The following CYB5R2 variants were observed in gnomAD, a reference collection of about 807,000 sequenced individuals.
The protein encoded by CYB5R2 is NADH-cytochrome b5 reductase 2.
In CYB5R2, 35 loss-of-function variants were observed where a neutral mutation model predicts 29.8. The ratio of observed to expected loss-of-function variants is 1.17; its 90% CI spans 0.90 to 1.56. CYB5R2 has a LOEUF of 1.56. CYB5R2 is among the 40% of genes most tolerant of loss of function. The pLI, the probability that CYB5R2 is intolerant of heterozygous loss-of-function variation, is 0.00. For missense variants in CYB5R2, 419 were observed against 346.7 expected, an observed-to-expected ratio of 1.21 and a Z score of -1.66; for synonymous variants, 169 against 130.6, an observed-to-expected ratio of 1.29 and a Z score of -2.01.
intron 5 of CYB5R2, chr11:7,668,781 G>A (rs989568719): frequency 6.8e-5 from 41 of 605,108 alleles, no homozygotes; most frequent in African/African-American, 1.8e-4. Flanking sequence ...GGGAATCGCC[G>A]GGCCTTCTGT....
intron 2 of CYB5R2, 63 bp from the exon 3 acceptor site, chr11:7,672,586 A>G (rs183671644): frequency 6.4e-7 from 1 of 1,555,288 alleles, no homozygotes; most frequent in Non-Finnish European, 8.9e-7. Flanking sequence ...GGCAGCTGAG[A>G]TGCCTGGGAA....
chr11:7,670,999 G>A (rs1004606088), intron 3 of CYB5R2: 1 of 152,656 alleles, frequency 6.6e-6, no homozygotes, highest in Non-Finnish European at 1.5e-5. Flanking sequence ...GCAGGGAGGA[G>A]GAGGAGGCAG....
chr11:7,666,442 A>G lies in CYB5R2; in HGVS notation c.658+9T>C. 3 of 1,580,656 alleles carry G rather than the reference A, an allele frequency of 1.9e-6. No individual in the cohort carries two copies. The highest frequency in any genetic ancestry group is 2.6e-6 in the Non-Finnish European group (3 of 1,150,384). ...GACCCATGGTGAGTGAGGGCAATGGATGTCGTACCAATGGGAGGCCTGTCC... is the reference window on the plus strand; with the variant it reads ...GACCCATGGTGAGTGAGGGCAATGGGTGTCGTACCAATGGGAGGCCTGTCC... On this transcript the variant is annotated intron_variant, in intron 8 of 8. Transcript: ENST00000299498.
intron 8 of CYB5R2, 55 bp from the exon 9 acceptor site, chr11:7,665,601 T>C: frequency 6.5e-7 from 1 of 1,528,898 alleles, no homozygotes. Flanking sequence ...GAGTTCCTGA[T>C]CCCAGGCCGC....
At chr11:7,667,928 G>A in intron 6 of CYB5R2, 115 bp from the exon 7 acceptor site, 1 of 855,500 alleles carries the variant, frequency 1.2e-6, no homozygotes, top group Non-Finnish European at 2.0e-6. Context: ...TCTCACTTCT[G>A]TCCCCAAAAC....
At position 7,669,243 on chromosome 11, in the gene CYB5R2, A is replaced by G; in HGVS notation, c.350T>C (p.Phe117Ser). ...AAACAAGCGTCCCCTTGGCCCTCGAAAAAAGATGGTCTCCCCGATTTTCAT... is the reference window on the plus strand; with the variant it reads ...AAACAAGCGTCCCCTTGGCCCTCGAGAAAAGATGGTCTCCCCGATTTTCAT... Reference protein sequence around the residue: ...ENMKIGETIFFRGPRGRLFYH... With the variant: ...ENMKIGETIFSRGPRGRLFYH... Residue 117 changes from phenylalanine to serine, a missense_variant, in exon 5 of 9, where the codon TTT becomes TCT. Phe to Ser is a radical substitution (Grantham distance 155, BLOSUM62 -2). Coordinates refer to ENST00000299498, the MANE Select transcript of CYB5R2 (RefSeq NM_016229.5). The G allele has an allele frequency of 1.2e-6, 2 of 1,614,160 alleles. No homozygotes were observed. The highest frequency in any genetic ancestry group is 1.7e-6 in the Non-Finnish European group (2 of 1,180,026).
rs764935054 is a variant in CYB5R2 at position 7,669,438 on chromosome 11, TCTC to T, written c.259-107_259-105del. 2.3e-5 allele frequency: 33 copies of T among 1,420,616 alleles called. No homozygotes were observed. The South Asian group carries it at 3.0e-4, about 13-fold the overall frequency. 88.0% of individuals were successfully genotyped at this position (1,420,616 alleles called of 1,614,324 possible). A position where few individuals can be genotyped will look rare whatever the true frequency, so the allele number is the denominator to read the frequency against. On this transcript the variant is annotated intron_variant, in intron 4 of 8. Transcript: ENST00000299498. The stretch of plus-strand genomic sequence containing the variant: ...GCTGGAAGCTTTGCAGAGAAAGTGT[TCTC>T]CTCTCTGAATTGTTGTACGCAATCC...
At chr11:7,669,105 A>C in intron 5 of CYB5R2, 100 bp downstream of exon 5, 1 of 1,432,596 alleles carries the variant, frequency 7.0e-7, no homozygotes, top group Non-Finnish European at 9.9e-7. Flanking sequence ...GACTAAGGAC[A>C]ACCCCATGTG....
intron 3 of CYB5R2, chr11:7,670,213 T>TCCA (rs1274307762): frequency 6.1e-6 from 1 of 164,198 alleles, no homozygotes; most frequent in Non-Finnish European, 1.3e-5. Context: ...ATTAGCCAGG[T>TCCA]GTGGTGGTGC....
At chr11:7,673,929 G>T (rs1855929016), upstream of CYB5R2, 1 of 1,001,122 alleles carries the variant, frequency 1.0e-6, no homozygotes, top group South Asian at 4.2e-5. Flanking sequence ...GAGAAGGGCC[G>T]TGGTCGGGGG....
intron 7 of CYB5R2, 82 bp from the exon 8 acceptor site, chr11:7,666,632 C>A (rs62620008): frequency 0.38 from 358,230 of 949,776 alleles, 71,155 homozygotes; most frequent in Non-Finnish European, 0.42. Flanking sequence ...CAGCATACTC[C>A]TGGCCAAAGC....
chr11:7,673,047 C>A, intron 1 of CYB5R2, 156 bp from the exon 2 acceptor site: 1 of 695,558 alleles, frequency 1.4e-6, no homozygotes, highest in Non-Finnish European at 2.3e-6. Context: ...CAGAAGGCGG[C>A]TGGGAGAGCC....
chr11:7,669,773 C>T (rs371181204), intron 3 of CYB5R2, 42 bp from the exon 4 acceptor site: 13 of 1,418,060 alleles, frequency 9.2e-6, no homozygotes, highest in Non-Finnish European at 1.3e-5. Context: ...GCATATTTAG[C>T]TTAAATAAGG....
chr11:7,666,248 C>T (rs1251738660), intron 8 of CYB5R2: 20 of 594,898 alleles, frequency 3.4e-5, no homozygotes, highest in Non-Finnish European at 5.4e-5. Flanking sequence ...TAGACACCTG[C>T]TCTCGATTGC....
upstream of CYB5R2, chr11:7,673,697 A>G: frequency 1.0e-6 from 1 of 985,604 alleles, no homozygotes; most frequent in Non-Finnish European, 1.2e-6. Context: ...CTCCATAAAT[A>G]CACCCCGCCG....
Position 7,666,545 on chromosome 11 carries a change from C to CTCTG in CYB5R2, c.560_563dup (p.Glu188AspfsTer12), listed in dbSNP as rs1272706420. 2.5e-6 allele frequency: 4 copies of CTCTG among 1,612,502 alleles called. No homozygotes were observed. In the African/African-American group the frequency reaches 5.3e-5, roughly 22 times the overall value. On this transcript the variant is annotated frameshift_variant, in exon 8 of 9. Transcript: ENST00000299498. LOFTEE classifies it high-confidence loss of function. The stretch of plus-strand genomic sequence containing the variant: ...GCTCTTTTCTGACCAAGATATCCTC[C>CTCTG]TCTGTCTAGAAAAGAAGCAACACTG...
chr11:7,673,885 G>A (rs1277018397), upstream of CYB5R2: 8 of 993,648 alleles, frequency 8.1e-6, no homozygotes, highest in South Asian at 4.5e-5. Context: ...GGCGGACCCC[G>A]CAGGCTGGGA....
At chr11:7,669,511 G>A (rs1440813313) in intron 4 of CYB5R2, 114 bp downstream of exon 4, 1 of 1,206,762 alleles carries the variant, frequency 8.3e-7, no homozygotes. Context: ...TTCACTGCTG[G>A]AAAGCCCTGC....
chr11:7,666,229 C>G (rs1173149671), intron 8 of CYB5R2: 1 of 593,074 alleles, frequency 1.7e-6, no homozygotes, highest in East Asian at 2.8e-5. Flanking sequence ...TGAGGTGCTG[C>G]TGATGTATTA....
Sources: allele counts gnomAD v4.1 joint callset, GRCh38; gene constraint gnomAD v4.1.1; transcripts MANE v1.5; gene names NCBI Gene and HGNC (gene_info 2026-07-23, HGNC 2026-07-21).